KIAA2012: variants seen among roughly 807,000 people sequenced by gnomAD.
KIAA2012 encodes uncharacterized protein KIAA2012.
A neutral mutation model predicts 150.6 loss-of-function variants in KIAA2012; 125 were observed. The ratio of observed to expected loss-of-function variants is 0.83; its 90% CI spans 0.72 to 0.96. The LOEUF (loss-of-function observed/expected upper bound fraction) is 0.96. Among genes scored for constraint, KIAA2012 ranks in the 40% least tolerant of loss-of-function variants. The probability of loss-of-function intolerance (pLI) is 0.00; values close to 1 mark genes in which losing one functional copy is unlikely to be tolerated. For synonymous variants in KIAA2012, 462 were observed against 504.7 expected, an observed-to-expected ratio of 0.92 and a Z score of 1.13; for missense variants, 1,219 against 1,354.9, an observed-to-expected ratio of 0.90 and a Z score of 1.57.
rs1035593948 is a variant in KIAA2012 at position 202,190,322 on chromosome 2, T to G, written c.2640T>G (p.Asn880Lys). ...ATGAGGAAACAGAAGACACCTCAAA[T>G]AGAGGTTCCTTTGCCTCAGACTCCT... ...VSYEETEDTS[N>K]RGSFASDSFV... The change falls in exon 19 of 24, where the codon AAT becomes AAG. Residue 880 changes from asparagine (N) to lysine (K), a missense_variant. Coordinates refer to ENST00000498697, the MANE Select transcript of KIAA2012 (RefSeq NM_001277372.4). The G allele has an allele frequency of 1.3e-6, 2 of 1,550,516 alleles. No homozygotes were observed. Among genetic ancestry groups the G allele is most frequent in the Non-Finnish European group, 8.7e-7 (1 of 1,147,002 alleles).
At chr2:202,172,615 C>T (rs1169145301) in intron 15 of KIAA2012, among the ~76,000 whole-genome samples, 2 of 152,186 alleles carry the variant, frequency 1.3e-5, no homozygotes, top group Non-Finnish European at 2.9e-5. Flanking sequence ...AGGTCAGTTT[C>T]GTTTTGAAGA....
chr2:202,201,669 G>A, intron 22 of KIAA2012: 1 of 1,610,546 alleles, frequency 6.2e-7, no homozygotes, highest in South Asian at 1.1e-5. Flanking sequence ...CTGGGCCATG[G>A]GAAGATACAG....
At chr2:202,182,538 C>T (rs1244778885) in intron 15 of KIAA2012, among the ~76,000 whole-genome samples, 1 of 152,110 alleles carries the variant, frequency 6.6e-6, no homozygotes, top group East Asian at 1.9e-4. Context: ...TGTATATATA[C>T]ACCAGTTTAT....
At chr2:202,140,096 C>T (rs1424459865) in intron 13 of KIAA2012, among the ~76,000 whole-genome samples, 3 of 152,014 alleles carry the variant, frequency 2.0e-5, no homozygotes, top group East Asian at 1.9e-4. Flanking sequence ...GGCATGGTGG[C>T]GCACATCTGT....
At chr2:202,096,652 G>A (rs185495327) in intron 4 of KIAA2012, among the ~76,000 whole-genome samples, 131 of 152,274 alleles carry the variant, frequency 8.6e-4, no homozygotes, top group African/African-American at 2.9e-3. Context: ...ACACAGGCCC[G>A]AAGCCTTCCA....
At chr2:202,088,223 T>C (rs1168784077) in intron 2 of KIAA2012, among the ~76,000 whole-genome samples, 2 of 152,022 alleles carry the variant, frequency 1.3e-5, no homozygotes, top group Non-Finnish European at 2.9e-5. Flanking sequence ...GGATGACTAT[T>C]TGGGAAAGGG....
chr2:202,163,046 T>C (rs1691690275), intron 14 of KIAA2012, among the ~76,000 whole-genome samples: 1 of 152,070 alleles, frequency 6.6e-6, no homozygotes, highest in Non-Finnish European at 1.5e-5. Flanking sequence ...TTTAGGCTGT[T>C]TCCAATCTGT....
At chr2:202,198,140 T>C (rs142320244) in intron 22 of KIAA2012, among the ~76,000 whole-genome samples, 5 of 140,626 alleles carry the variant, frequency 3.6e-5, no homozygotes, top group African/African-American at 1.3e-4. Flanking sequence ...TGCCATTGCA[T>C]TCCAGCCTGG....
chr2:202,150,743 T>C (rs1691410516), intron 13 of KIAA2012, among the ~76,000 whole-genome samples: 1 of 152,164 alleles, frequency 6.6e-6, no homozygotes, highest in Admixed American at 6.6e-5. Context: ...CCACCGCACC[T>C]GTCCATTCCA....
At chr2:202,171,446 G>C (rs1691890719) in intron 15 of KIAA2012, among the ~76,000 whole-genome samples, 1 of 152,126 alleles carries the variant, frequency 6.6e-6, no homozygotes, top group South Asian at 2.1e-4. Flanking sequence ...CCGCGGCGTC[G>C]GAGAGGCTTC....
chr2:202,194,117 T>C (rs1397961246), intron 20 of KIAA2012, 73 bp from the exon 21 acceptor site: 3 of 1,498,272 alleles, frequency 2.0e-6, no homozygotes. Context: ...CCATGGGCAC[T>C]GTCTGTTGGC....
rs1690120680 is a variant in KIAA2012 at position 202,104,120 on chromosome 2, G to A, written c.1324+1006G>A. 6.6e-6 allele frequency among the ~76,000 whole-genome samples: 1 copy of A among 152,172 alleles called. No homozygotes were observed. The highest frequency in any genetic ancestry group is 2.1e-4 in the South Asian group (1 of 4,832). On this transcript the variant is annotated intron_variant, in intron 8 of 23. Transcript: ENST00000498697. The surrounding 1 kb of genome is among the most constrained non-coding windows in gnomAD (Gnocchi z 4.3). ...GGTGGAGCTTAAAAGACCAATGGAA[G>A]GGGACATGAAGGAACTTTCTGGGGT...
intron 14 of KIAA2012, among the ~76,000 whole-genome samples, chr2:202,162,581 C>CTTTT (rs890834084): frequency 7.4e-5 from 9 of 120,830 alleles, no homozygotes; most frequent in African/African-American, 9.1e-5. Flanking sequence ...GGCCCAGAGT[C>CTTTT]TTTTTTTTTT....
chr2:202,165,239 A>G, intron 14 of KIAA2012, 45 bp from the exon 15 acceptor site: 1 of 1,520,808 alleles, frequency 6.6e-7, no homozygotes, highest in East Asian at 2.5e-5. Context: ...AAGTGTTTGC[A>G]TTTATTATGT....
At chr2:202,136,314 A>G (rs4675264) in intron 12 of KIAA2012, 101,960 of 157,286 alleles carry the variant, frequency 0.65, 33,191 homozygotes, top group Admixed American at 0.7. Context: ...TGAGTGTTAC[A>G]GTTTGTAAAG....
intron 22 of KIAA2012, chr2:202,197,248 G>A (rs1360485991): frequency 5.1e-5 from 33 of 646,558 alleles, no homozygotes; most frequent in East Asian, 1.4e-4. Flanking sequence ...AGATATCTAC[G>A]TCAACCCCCT....
At chr2:202,192,225 C>T (rs1208713599) in intron 19 of KIAA2012, among the ~76,000 whole-genome samples, 5 of 152,240 alleles carry the variant, frequency 3.3e-5, no homozygotes, top group African/African-American at 1.2e-4. Flanking sequence ...GACTAAAAAG[C>T]AAGGAGCTTT....
At chr2:202,124,143 A>G (rs1279933442) in intron 11 of KIAA2012, among the ~76,000 whole-genome samples, 2 of 152,180 alleles carry the variant, frequency 1.3e-5, no homozygotes, top group Non-Finnish European at 2.9e-5. Context: ...CAGCCAGCCA[A>G]GATTGTGCCA....
chr2:202,136,338 AGTTGTTCATTCCTCCTGTCTGGC>A (rs1375209048), intron 12 of KIAA2012: 1 of 154,708 alleles, frequency 6.5e-6, no homozygotes, highest in Non-Finnish European at 1.4e-5. Flanking sequence ...GCGCATCCGG[AGTTGTTCATTCCTCCTGTCTGGC>A]GTTGTTCGTC....
Sources: gnomAD v4.1 joint callset for allele counts (sites outside exome capture counted in the v4.1 genomes callset) on GRCh38, gnomAD v4.1.1 for gene constraint, Gnocchi (gnomAD v3.1) non-coding constraint, MANE v1.5 for transcripts, NCBI Gene and HGNC (gene_info 2026-07-23, HGNC 2026-07-21) for gene names.